RREB1: variants seen among roughly 807,000 people sequenced by gnomAD.
RREB1 encodes ras responsive element binding protein 1, also known as ras-responsive element-binding protein 1.
Under a neutral mutation model 117.8 loss-of-function variants are expected in RREB1, and 27 were observed. The observed-to-expected ratio is 0.23, with a 90% CI of 0.17 to 0.32. The LOEUF is 0.32. Among genes scored for constraint, RREB1 ranks in the 10% least tolerant of loss-of-function variants. The pLI is 1.00. For synonymous variants in RREB1, 1,298 were observed against 1,026.7 expected (o/e 1.26, Z -5.05); for missense variants, 2,577 against 2,378.2 (o/e 1.08, Z -1.74).
chr6:7,212,067 C>T (rs765136187), intron 8 of RREB1: 3 of 259,952 alleles, frequency 1.2e-5, no homozygotes, highest in Admixed American at 5.0e-5. Context: ...ATTAGCAATG[C>T]ATGAATATGT....
At chr6:7,119,116 T>A (rs892655706) in intron 1 of RREB1, among the ~76,000 whole-genome samples, 1 of 151,934 alleles carries the variant, frequency 6.6e-6, no homozygotes, top group Non-Finnish European at 1.5e-5. Flanking sequence ...ATGGCAGGCG[T>A]GGTGGTTCAC....
intron 6 of RREB1, among the ~76,000 whole-genome samples, chr6:7,208,577 G>A (rs969078710): frequency 6.6e-6 from 1 of 152,222 alleles, no homozygotes; most frequent in African/African-American, 2.4e-5. Flanking sequence ...GGGCTCAGTG[G>A]GAGAACTGGA....
intron 1 of RREB1, among the ~76,000 whole-genome samples, chr6:7,117,663 A>C (rs1029979099): frequency 6.6e-6 from 1 of 151,186 alleles, no homozygotes; most frequent in Non-Finnish European, 1.5e-5. Flanking sequence ...CCCACCTTGG[A>C]CTCCCAGAGT....
Position 7,230,812 on chromosome 6 carries a change from A to G in RREB1, c.2713A>G (p.Lys905Glu). ...CAATGAGCCCCTGGACTTCTCGCAG[A>G]AGGGCCTGGCCCTGGTCCAAGTGAA... ...DFNEPLDFSQ[K>E]GLALVQVKQE... is the part of the protein sequence containing the mutation. Residue 905 changes from lysine to glutamate, a missense_variant, in exon 10 of 13, where the codon AAG becomes GAG. Physicochemically the swap from Lys to Glu is moderately conservative, Grantham distance 56. Coordinates refer to ENST00000379938, the MANE Select transcript of RREB1 (RefSeq NM_001003699.4). 6.2e-7 allele frequency: 1 copy of G among 1,614,210 alleles called. No individual in the cohort carries two copies. Among genetic ancestry groups the G allele is most frequent in the Non-Finnish European group, 8.5e-7 (1 of 1,180,030 alleles).
chr6:7,211,081 G>GT, intron 7 of RREB1, 133 bp downstream of exon 7: 1 of 884,794 alleles, frequency 1.1e-6, no homozygotes, highest in Non-Finnish European at 1.7e-6. Context: ...TTCCCATACT[G>GT]TTTCTGTAAA....
intron 1 of RREB1, among the ~76,000 whole-genome samples, chr6:7,172,982 C>A (rs1395794541): frequency 6.6e-6 from 1 of 152,190 alleles, no homozygotes; most frequent in African/African-American, 2.4e-5. Flanking sequence ...TCCCTCCTGG[C>A]TCAGACCATT....
chr6:7,160,252 T>C (rs991268647), intron 1 of RREB1, among the ~76,000 whole-genome samples: 3 of 152,092 alleles, frequency 2.0e-5, no homozygotes, highest in African/African-American at 4.8e-5. Context: ...TCTTGCTATA[T>C]TGCCCAAGCT....
rs763641312 is a variant in RREB1, at chr6:7,248,540, G to A, written c.4801G>A (p.Glu1601Lys). Residue 1601 changes from glutamate (E) to lysine (K), a missense_variant, in exon 13 of 13, where the codon GAG becomes AAG. Glu to Lys is a moderately conservative substitution (Grantham distance 56). Coordinates refer to ENST00000379938, the MANE Select transcript of RREB1 (RefSeq NM_001003699.4). ...AAGGCCATACAAATGTCAGACCTGC[G>A]AGCGAACCTTCACCTTGAAGCACAG... ...GERPYKCQTC[E>K]RTFTLKHSLV... is the part of the protein sequence containing the mutation. The A allele has an allele frequency of 5.6e-6, 9 of 1,614,186 alleles. No individual in the cohort carries two copies. Among genetic ancestry groups the A allele is most frequent in the East Asian group, 4.5e-5 (2 of 44,884 alleles).
chr6:7,111,152 A>G (rs1761122888), intron 1 of RREB1, among the ~76,000 whole-genome samples: 1 of 152,254 alleles, frequency 6.6e-6, no homozygotes, highest in African/African-American at 2.4e-5. Context: ...TCTGATCAAC[A>G]GCAGTTTATT....
chr6:7,227,949 C>T (rs994159763), intron 9 of RREB1, among the ~76,000 whole-genome samples: 3 of 152,174 alleles, frequency 2.0e-5, no homozygotes, highest in Non-Finnish European at 4.4e-5. Flanking sequence ...TGCCTATAAT[C>T]CCAGCTGCTG....
chr6:7,236,887 GTTTTTT>G (rs869133214), intron 10 of RREB1, among the ~76,000 whole-genome samples: 2 of 63,404 alleles, frequency 3.2e-5, no homozygotes, highest in Admixed American at 2.5e-4. Flanking sequence ...GTTTTTGGAG[GTTTTTT>G]TTTTTTTTTT....
At position 7,230,213 on chromosome 6, in the gene RREB1, A is replaced by G. The variant is rs979752170; in HGVS notation, c.2114A>G (p.His705Arg). Residue 705 changes from histidine to arginine, a missense_variant, in exon 10 of 13, where the codon CAC (histidine) becomes CGC (arginine). Physicochemically the swap from His to Arg is conservative, Grantham distance 29. Coordinates refer to ENST00000379938, the MANE Select transcript of RREB1 (RefSeq NM_001003699.4). ...GERPYICKIC[H>R]YPFTVKANCE... ...CGGCCCTACATTTGCAAGATCTGCC[A>G]CTACCCCTTCACTGTCAAAGCCAAC... is the stretch of plus-strand genomic sequence containing the variant. The G allele has an allele frequency of 4.4e-6, 7 of 1,605,102 alleles. No homozygotes were observed. In the African/African-American group the frequency reaches 8.0e-5, roughly 18 times the overall value.
chr6:7,246,612 C>T lies in RREB1; in HGVS notation c.4162C>T (p.His1388Tyr). The T allele has an allele frequency of 6.4e-7, 1 of 1,562,936 alleles. No individual in the cohort carries two copies. Residue 1388 changes from histidine to tyrosine, a missense_variant, in exon 12 of 13, where the codon CAT becomes TAT. By Grantham distance (83) the His-to-Tyr change is moderately conservative. Coordinates refer to ENST00000379938, the MANE Select transcript of RREB1 (RefSeq NM_001003699.4). ...HREEHGRGES[H>Y]EPEEEHGTEE... ...GGAAGAGCACGGGCGTGGGGAGAGC[C>T]ATGAGCCGGAGGAGGAGCATGGCAC...
At chr6:7,226,726 C>T (rs9505085) in intron 9 of RREB1, 70 bp downstream of exon 9, 62,066 of 1,163,914 alleles carry the variant, frequency 0.053, 4,807 homozygotes, top group East Asian at 0.27. Context: ...ACCATGGGAA[C>T]TTCCTCTCCT....
chr6:7,228,975 T>G, intron 9 of RREB1, 22 bp from the exon 10 acceptor site: 1 of 1,480,804 alleles, frequency 6.8e-7, no homozygotes, highest in Non-Finnish European at 9.0e-7. Flanking sequence ...TTCCCTTGCT[T>G]TTACCGGTGG....
chr6:7,126,151 AC>A (rs1761904250), intron 1 of RREB1, among the ~76,000 whole-genome samples: 1 of 151,440 alleles, frequency 6.6e-6, no homozygotes, highest in Non-Finnish European at 1.5e-5. Context: ...ACAGGTGCGC[AC>A]CACCACACCC....
chr6:7,211,950 T>C (rs1272698322), intron 8 of RREB1: 1 of 516,796 alleles, frequency 1.9e-6, no homozygotes, highest in South Asian at 2.4e-5. Flanking sequence ...GCAAAGCCCC[T>C]TGAGTAGTCA....
chr6:7,109,385 C>T (rs1048446733), intron 1 of RREB1, among the ~76,000 whole-genome samples: 34 of 152,170 alleles, frequency 2.2e-4, no homozygotes, highest in Non-Finnish European at 4.6e-4. Context: ...GTCGCCGACC[C>T]CCTCCCTGGG....
In RREB1 at chr6:7,189,197, C is replaced by T. The variant is rs376059125; in HGVS notation, c.300C>T (p.Ser100=). ...CTGGAGGAGCCGACCACTCATGCAG[C>T]ATCTGCGGAAAGTCACTGAGCTCGG... The part of the protein sequence containing the change: ...TDTGGADHSC[S]ICGKSLSSAS... Residue 100 remains serine (S), a synonymous_variant, in exon 6 of 13, where the codon AGC becomes AGT. Transcript: ENST00000379938. 93 of 1,613,726 alleles carry T rather than the reference C, an allele frequency of 5.8e-5. 1 individual carries two copies. The highest frequency in any genetic ancestry group is 8.3e-5 in the Admixed American group (5 of 60,024).
Sources: gnomAD v4.1 joint callset for allele counts (sites outside exome capture counted in the v4.1 genomes callset) on GRCh38, gnomAD v4.1.1 for gene constraint, MANE v1.5 for transcripts, NCBI Gene and HGNC (gene_info 2026-07-23, HGNC 2026-07-21) for gene names.